The following SNX24 variants were observed in gnomAD, a reference collection of about 807,000 sequenced individuals.
SNX24 encodes the protein sorting nexin-24.
SNX24 carries 22 observed loss-of-function variants against 28.7 expected under a neutral mutation model. That is an observed-to-expected ratio of 0.77 (90% confidence interval 0.55 to 1.10). The LOEUF (loss-of-function observed/expected upper bound fraction) is 1.10. SNX24 is among the 50% of genes least tolerant of loss of function. The pLI is 0.00. For missense variants in SNX24, 221 were observed against 201.1 expected (o/e 1.10, Z -0.60); for synonymous variants, 69 against 71.5 (o/e 0.96, Z 0.18).
chr5:122,949,043 T>TTTAA (rs1369758850), intron 3 of SNX24, among the ~76,000 whole-genome samples: 5 of 152,228 alleles, frequency 3.3e-5, no homozygotes, highest in African/African-American at 9.6e-5. Flanking sequence ...CTGTGCTGTA[T>TTTAA]TTAAGTAAGA....
intron 1 of SNX24, among the ~76,000 whole-genome samples, chr5:122,929,796 C>T (rs1002318363): frequency 6.6e-6 from 1 of 151,668 alleles, no homozygotes; most frequent in Admixed American, 6.6e-5. Context: ...CTTTTAAGAT[C>T]GCAAAGCTAC....
At chr5:122,989,838 G>A (rs142603268) in intron 3 of SNX24, among the ~76,000 whole-genome samples, 7 of 152,294 alleles carry the variant, frequency 4.6e-5, no homozygotes, top group African/African-American at 1.7e-4. Flanking sequence ...TTGGGAGAAG[G>A]GCTAGGGTAC....
In SNX24 at chr5:123,014,333, A is replaced by ATTTTTTTTTTTT. The variant is rs70988553; in HGVS notation, n.383+12347_383+12358dup. ...AGGCACACGCCACTGTGCCCAGCTG[A>ATTTTTTTTTTTT]TTTTTTTTTTTTTTTTTTTTTTTTT... On this transcript the variant is annotated intron_variant and non_coding_transcript_variant, in intron 5 of 5. Coordinates refer to the SNX24 transcript ENST00000502387. 3.9e-5 allele frequency among the ~76,000 whole-genome samples: 3 copies of ATTTTTTTTTTTT among 77,270 alleles called. 1 individual carries two copies. Among genetic ancestry groups the ATTTTTTTTTTTT allele is most frequent in the Non-Finnish European group, 4.7e-5 (2 of 42,442 alleles). The allele number at this position is 77,270 out of a possible 152,430, so 50.7% of individuals were successfully genotyped here.
intron 3 of SNX24, among the ~76,000 whole-genome samples, chr5:122,956,126 A>G (rs1279067133): frequency 6.6e-6 from 1 of 151,852 alleles, no homozygotes; most frequent in Non-Finnish European, 1.5e-5. Flanking sequence ...TGCGATATAT[A>G]AGGCAAAACA....
chr5:122,964,247 CAAAAAAAAAAAAAAA>C (rs34174497), intron 3 of SNX24, among the ~76,000 whole-genome samples: 9 of 36,586 alleles, frequency 2.5e-4, no homozygotes, highest in Admixed American at 1.2e-3. Flanking sequence ...GACTCCATCT[CAAAAAAAAAAAAAAA>C]AAAAAAAAAA....
intron 3 of SNX24, among the ~76,000 whole-genome samples, chr5:122,986,368 G>A (rs1025865948): frequency 4.6e-5 from 7 of 152,282 alleles, no homozygotes; most frequent in African/African-American, 1.7e-4. Context: ...GTGGACTTAG[G>A]GAGAGGATGC....
At chr5:123,020,443 A>AAT in intron 5 of SNX24, among the ~76,000 whole-genome samples, 1 of 152,318 alleles carries the variant, frequency 6.6e-6, no homozygotes, top group Middle Eastern at 3.4e-3. Flanking sequence ...TCTTTAAAAC[A>AAT]ATCATTTTCT....
intron 3 of SNX24, among the ~76,000 whole-genome samples, chr5:122,986,784 T>A (rs1190433847): frequency 7.6e-6 from 1 of 131,888 alleles, no homozygotes; most frequent in Non-Finnish European, 1.5e-5. Context: ...CATGTTTATG[T>A]GCTGATAGGA....
At chr5:122,980,520 C>T (rs1478414) in intron 3 of SNX24, among the ~76,000 whole-genome samples, 54,274 of 151,516 alleles carry the variant, frequency 0.36, 10,374 homozygotes, top group African/African-American at 0.46. Context: ...TCTTCTATAA[C>T]AAAATGAAGT....
chr5:122,859,058 T>A (rs1001383784), intron 1 of SNX24, among the ~76,000 whole-genome samples: 2 of 152,206 alleles, frequency 1.3e-5, no homozygotes, highest in South Asian at 2.1e-4. Flanking sequence ...TGACCTTGTC[T>A]GTTTTAATGC....
At chr5:122,968,312 A>G (rs142614790) in intron 3 of SNX24, among the ~76,000 whole-genome samples, 91 of 152,338 alleles carry the variant, frequency 6.0e-4, no homozygotes, top group African/African-American at 2.0e-3. Context: ...ATGCCACTGC[A>G]CTTCAGCCTG....
At chr5:122,891,027 G>T in intron 1 of SNX24, 1 of 1,495,026 alleles carries the variant, frequency 6.7e-7, no homozygotes, top group Non-Finnish European at 8.9e-7. Context: ...TACCTCTCAG[G>T]TGGTAATAGT....
At chr5:122,949,633 C>G (rs1759845170) in intron 3 of SNX24, among the ~76,000 whole-genome samples, 1 of 152,108 alleles carries the variant, frequency 6.6e-6, no homozygotes, top group African/African-American at 2.4e-5. Flanking sequence ...ATCATATTTG[C>G]AGAGTCTAAC....
At chr5:122,854,519 A>C (rs566643067) in intron 1 of SNX24, among the ~76,000 whole-genome samples, 4,172 of 131,636 alleles carry the variant, frequency 0.032, 70 homozygotes, top group Middle Eastern at 0.05. Context: ...AAAAAACAAA[A>C]AAAAAAAACA....
intron 3 of SNX24, among the ~76,000 whole-genome samples, chr5:122,987,180 G>T (rs1050541529): frequency 6.6e-6 from 1 of 151,604 alleles, no homozygotes; most frequent in Non-Finnish European, 1.5e-5. Context: ...AGGGATGAGG[G>T]AGATAAAAGG....
chr5:122,909,339 G>A (rs932709665), intron 1 of SNX24, among the ~76,000 whole-genome samples: 1 of 152,172 alleles, frequency 6.6e-6, no homozygotes, highest in Non-Finnish European at 1.5e-5. Context: ...CTTTATAAAT[G>A]TTAACTTAAG....
chr5:122,920,235 A>G (rs550734461), intron 1 of SNX24, among the ~76,000 whole-genome samples: 25 of 152,204 alleles, frequency 1.6e-4, no homozygotes, highest in Non-Finnish European at 3.7e-4. Flanking sequence ...GGCCAGATTA[A>G]CTTGGAATTT....
chr5:122,956,361 A>ATAT (rs1554075849), intron 3 of SNX24, among the ~76,000 whole-genome samples: 1 of 89,832 alleles, frequency 1.1e-5, no homozygotes, highest in African/African-American at 4.0e-5. Flanking sequence ...GGAAAAAAAA[A>ATAT]ATATATACAC....
chr5:122,910,666 T>A (rs1757843579), intron 1 of SNX24, among the ~76,000 whole-genome samples: 1 of 133,260 alleles, frequency 7.5e-6, no homozygotes, highest in Non-Finnish European at 1.6e-5. Context: ...CCCCTTCCTG[T>A]GTCCATGTGT....
Sources: allele counts gnomAD v4.1 joint callset (sites outside exome capture counted in the v4.1 genomes callset), GRCh38; gene constraint gnomAD v4.1.1; transcripts MANE v1.5; gene names NCBI Gene and HGNC (gene_info 2026-07-23, HGNC 2026-07-21).